TMEM165: variants seen among roughly 807,000 people sequenced by gnomAD.
TMEM165 encodes transmembrane protein 165.
TMEM165 carries 19 observed loss-of-function variants against 30.0 expected under a neutral mutation model. The observed-to-expected ratio is 0.63, with a 90% CI of 0.44 to 0.93. The LOEUF (loss-of-function observed/expected upper bound fraction) is 0.93, where lower values mean the gene tolerates loss of function less well. Ranked by LOEUF, TMEM165 falls within the 40% of genes least tolerant of loss-of-function variation. The pLI is 0.00. For synonymous variants in TMEM165, 168 were observed against 162.9 expected (o/e 1.03, Z -0.24); for missense variants, 340 against 417.0 (o/e 0.82, Z 1.61).
rs554416326 is a variant in TMEM165 at position 55,396,472 on chromosome 4, C to T, written c.207+76C>T. 7.4e-6 allele frequency: 9 copies of T among 1,214,716 alleles called. No homozygotes were observed. The South Asian group carries it at 1.8e-4, about 25-fold the overall frequency. 75.2% of individuals were successfully genotyped at this position (1,214,716 alleles called of 1,614,324 possible). ...GTACCAGGCTCCAGGCCTTTGAAAG[C>T]GCCGCACTCCGCCGGCCTCGGCTGG... On this transcript the variant is annotated intron_variant, in intron 1 of 5. Coordinates refer to ENST00000381334, the MANE Select transcript of TMEM165 (RefSeq NM_018475.5).
chr4:55,420,350 G>T (rs1192914229), intron 4 of TMEM165, among the ~76,000 whole-genome samples: 1 of 150,994 alleles, frequency 6.6e-6, no homozygotes, highest in Admixed American at 6.6e-5. Flanking sequence ...GCCATAGAGT[G>T]ACGTGTGAAA....
chr4:55,415,823 T>A (rs139163204), intron 2 of TMEM165: 1 of 152,274 alleles, frequency 6.6e-6, no homozygotes, highest in East Asian at 1.9e-4. Flanking sequence ...TAAAAAGAGC[T>A]GGTGAATTAA....
chr4:55,425,793 T>G lies in TMEM165; in HGVS notation c.*341T>G. 1 of 166,188 alleles carries G rather than the reference T, an allele frequency of 6.0e-6. No individual in the cohort carries two copies. The highest frequency in any genetic ancestry group is 1.3e-5 in the Non-Finnish European group (1 of 77,654). 10.3% of individuals were successfully genotyped at this position (166,188 alleles called of 1,614,324 possible). ...TTTTTAAGGAATACAAATTTTCTCCTTCATCACTTAGGTGTTTTAAGATGT... is the reference window on the plus strand; with the variant it reads ...TTTTTAAGGAATACAAATTTTCTCCGTCATCACTTAGGTGTTTTAAGATGT... On this transcript the variant is annotated 3_prime_UTR_variant, in exon 6 of 6. Coordinates refer to ENST00000381334, the MANE Select transcript of TMEM165 (RefSeq NM_018475.5).
At chr4:55,426,355 T>C (rs954370070), downstream of TMEM165, among the ~76,000 whole-genome samples, 1 of 152,132 alleles carries the variant, frequency 6.6e-6, no homozygotes, top group East Asian at 1.9e-4. Flanking sequence ...GGTACTAATA[T>C]AAGGTTAAAA....
chr4:55,402,323 T>G (rs1721031704), intron 1 of TMEM165, among the ~76,000 whole-genome samples: 1 of 140,728 alleles, frequency 7.1e-6, no homozygotes, highest in Admixed American at 7.1e-5. Flanking sequence ...GTAATGAAAA[T>G]TAAAATACTT....
At chr4:55,410,261 T>C (rs1029055930) in intron 1 of TMEM165, among the ~76,000 whole-genome samples, 1 of 152,232 alleles carries the variant, frequency 6.6e-6, no homozygotes, top group Non-Finnish European at 1.5e-5. Flanking sequence ...TAGAACTGTA[T>C]ATAGAACTTT....
At chr4:55,445,105 T>TCCCGGTTAGCC (rs147009588) in intron 3 of TMEM165, among the ~76,000 whole-genome samples, 1 of 136,996 alleles carries the variant, frequency 7.3e-6, no homozygotes, top group Admixed American at 7.8e-5. Flanking sequence ...ACGGGAAGCT[T>TCCCGGTTAGCC]TTAATATTTT....
rs767620986 is a variant in TMEM165 at position 55,425,381 on chromosome 4, A to G, written c.904A>G (p.Ile302Val). Residue 302 changes from isoleucine to valine, a missense_variant, in exon 6 of 6, where the codon ATC becomes GTC. This residue lies in a region of TMEM165 where 220 missense variants were observed against 307.6 expected (regional missense o/e 0.72). Coordinates refer to ENST00000381334, the MANE Select transcript of TMEM165 (RefSeq NM_018475.5). ...TTTTTTTCTCTCTCTTCCAGTGACAATCATAGGAGGCATCGTTTTTTTGGC... is the reference window on the plus strand; with the variant it reads ...TTTTTTTCTCTCTCTTCCAGTGACAGTCATAGGAGGCATCGTTTTTTTGGC... ...AQKISVRTVT[I>V]IGGIVFLAFA... 4.3e-6 allele frequency: 7 copies of G among 1,613,706 alleles called. No individual in the cohort carries two copies. The highest frequency in any genetic ancestry group is 1.7e-5 in the Admixed American group (1 of 59,992).
chr4:55,413,996 C>G (rs1047122800), intron 2 of TMEM165, among the ~76,000 whole-genome samples: 5 of 152,136 alleles, frequency 3.3e-5, no homozygotes, highest in African/African-American at 1.2e-4. Context: ...AGGCTGGGCG[C>G]GGTGGCTCAC....
At chr4:55,444,770 G>C (rs745374367) in intron 3 of TMEM165, 1 of 1,613,836 alleles carries the variant, frequency 6.2e-7, no homozygotes, top group East Asian at 2.2e-5. Context: ...GCTCCTAATT[G>C]AGCTGAAAAC....
At chr4:55,435,369 G>A in intron 3 of TMEM165, 1 of 1,607,100 alleles carries the variant, frequency 6.2e-7, no homozygotes, top group Non-Finnish European at 8.5e-7. Flanking sequence ...AACTCTTAAT[G>A]GGCCATCCCC....
At chr4:55,440,019 T>A (rs1436322886) in intron 3 of TMEM165, among the ~76,000 whole-genome samples, 1 of 152,052 alleles carries the variant, frequency 6.6e-6, no homozygotes, top group East Asian at 1.9e-4. Flanking sequence ...ACAATAAAAA[T>A]TTTTTTTAAT....
At chr4:55,404,939 A>G (rs1213807006) in intron 1 of TMEM165, among the ~76,000 whole-genome samples, 1 of 152,220 alleles carries the variant, frequency 6.6e-6, no homozygotes, top group Non-Finnish European at 1.5e-5. Context: ...ATCAAATGCA[A>G]CAATGTGTCT....
In TMEM165 at chr4:55,424,550, G is replaced by A. The variant is rs1482252760; in HGVS notation, c.805G>A (p.Val269Ile). Reference sequence around the variant, plus strand: ...CGCTTGCTTCCAGGACCCCTATGGTGTAGCCGTGGGTGGAACTGTGGGGCA... The same window carrying A: ...CGCTTGCTTCCAGGACCCCTATGGTATAGCCGTGGGTGGAACTGTGGGGCA... The part of the protein sequence containing the change: ...VLAAREDPYG[V>I]AVGGTVGHCL... The change falls in exon 5 of 6, where the codon GTA becomes ATA. Residue 269 changes from valine (V) to isoleucine (I), a missense_variant. By Grantham distance (29) the Val-to-Ile change is conservative (BLOSUM62 3). Around this residue, in one of 2 missense-constraint regions of TMEM165, gnomAD observed 220 missense variants for 307.6 expected, o/e 0.72. Transcript: ENST00000381334. 2 of 1,612,114 alleles carry A rather than the reference G, an allele frequency of 1.2e-6. No individual in the cohort carries two copies.
At chr4:55,419,599 T>A (rs1045745932) in intron 4 of TMEM165, among the ~76,000 whole-genome samples, 2 of 152,158 alleles carry the variant, frequency 1.3e-5, no homozygotes, top group African/African-American at 4.8e-5. Flanking sequence ...TTCACACAGA[T>A]TTATTAAGAT....
At chr4:55,436,892 C>CTTTTTTTTTTTTTTTTTTTTTT (rs35888413) in intron 3 of TMEM165, among the ~76,000 whole-genome samples, 4 of 98,364 alleles carry the variant, frequency 4.1e-5, no homozygotes, top group East Asian at 3.7e-4. Flanking sequence ...TTTGGGATGC[C>CTTTTTTTTTTTTTTTTTTTTTT]TTTTTTTTTT....
chr4:55,450,107 G>A (rs762362672), intron 3 of TMEM165: 7 of 1,614,078 alleles, frequency 4.3e-6, no homozygotes, highest in Non-Finnish European at 5.9e-6. Flanking sequence ...GGTCTGAGAC[G>A]GCCGTGTGAG....
intron 5 of TMEM165, 124 bp downstream of exon 5, chr4:55,424,767 C>A: frequency 1.6e-6 from 1 of 628,574 alleles, no homozygotes; most frequent in Non-Finnish European, 2.7e-6. Context: ...TACCTACCAT[C>A]TCTTATAGAG....
At chr4:55,443,383 G>A (rs1723526348) in intron 3 of TMEM165, among the ~76,000 whole-genome samples, 1 of 150,974 alleles carries the variant, frequency 6.6e-6, no homozygotes, top group Admixed American at 6.6e-5. Flanking sequence ...GTTGGGGCAG[G>A]AGAATCGCTT....
Sources: gnomAD v4.1 joint callset for allele counts (sites outside exome capture counted in the v4.1 genomes callset) on GRCh38, gnomAD v4.1.1 for gene constraint, gnomAD v4.1.1 regional missense constraint, MANE v1.5 for transcripts, NCBI Gene and HGNC (gene_info 2026-07-23, HGNC 2026-07-21) for gene names.